Variants in MED20 observed in about 807,000 individuals in gnomAD.
MED20 encodes mediator of RNA polymerase II transcription subunit 20.
Under a neutral mutation model 19.7 loss-of-function variants are expected in MED20, and 19 were observed. The observed-to-expected ratio is 0.96, with a 90% CI of 0.67 to 1.42. The LOEUF (loss-of-function observed/expected upper bound fraction) is 1.42. Among genes scored for constraint, MED20 ranks in the 40% most tolerant of loss-of-function variants. The pLI is 0.00. For missense variants in MED20, 225 were observed against 273.0 expected (o/e 0.82, Z 1.24); for synonymous variants, 105 against 104.8 (o/e 1.00, Z -0.01).
At chr6:41,915,479 C>CAAG (rs1775290109) in intron 2 of MED20, among the ~76,000 whole-genome samples, 2 of 150,126 alleles carry the variant, frequency 1.3e-5, no homozygotes, top group Admixed American at 6.6e-5. Flanking sequence ...GTCAACAGAG[C>CAAG]AAGACTCTAT....
intron 2 of MED20, among the ~76,000 whole-genome samples, chr6:41,916,275 A>G (rs2127379785): frequency 6.6e-6 from 1 of 151,580 alleles, no homozygotes; most frequent in Non-Finnish European, 1.5e-5. Flanking sequence ...AATAAAATAA[A>G]ATAAAATAAA....
intron 1 of MED20, among the ~76,000 whole-genome samples, chr6:41,920,154 C>G (rs1468320147): frequency 6.6e-6 from 1 of 152,172 alleles, no homozygotes; most frequent in Non-Finnish European, 1.5e-5. Flanking sequence ...AGACTTAAAA[C>G]ATATGAAAGA....
intron 1 of MED20, among the ~76,000 whole-genome samples, chr6:41,919,293 A>C (rs1308588336): frequency 6.6e-6 from 1 of 152,174 alleles, no homozygotes; most frequent in African/African-American, 2.4e-5. Context: ...TGCCTGTATA[A>C]GGATGTAGTG....
Position 41,907,289 on chromosome 6 carries a change from T to C in MED20, c.424-2A>G. Reference sequence around the variant, plus strand: ...TACCACACAGGGGCCATACTCCACCTGGGAACCAAAAGCACAGAGAATGAG... The same window carrying C: ...TACCACACAGGGGCCATACTCCACCCGGGAACCAAAAGCACAGAGAATGAG... On this transcript the variant is annotated splice_acceptor_variant, in intron 3 of 3. Coordinates refer to ENST00000265350, the MANE Select transcript of MED20 (RefSeq NM_004275.5). LOFTEE classifies it high-confidence loss of function. 1.2e-6 allele frequency: 2 copies of C among 1,609,072 alleles called. No individual in the cohort carries two copies. Among genetic ancestry groups the C allele is most frequent in the Non-Finnish European group, 1.7e-6 (2 of 1,177,534 alleles).
chr6:41,918,533 G>A (rs1775373999), intron 1 of MED20, among the ~76,000 whole-genome samples: 2 of 151,524 alleles, frequency 1.3e-5, no homozygotes, highest in Non-Finnish European at 2.9e-5. Flanking sequence ...ACGAAACTTG[G>A]CCAGGCACGG....
At chr6:41,910,603 G>A (rs1370185378) in intron 2 of MED20, among the ~76,000 whole-genome samples, 1 of 149,006 alleles carries the variant, frequency 6.7e-6, no homozygotes, top group African/African-American at 2.5e-5. Flanking sequence ...CTGCACTCCA[G>A]TCTGGGCAAC....
At chr6:41,907,495 T>C (rs1775086527) in intron 3 of MED20, among the ~76,000 whole-genome samples, 1 of 152,172 alleles carries the variant, frequency 6.6e-6, no homozygotes, top group African/African-American at 2.4e-5. Flanking sequence ...CTTCTCATCC[T>C]GGAGCTGTGC....
At chr6:41,911,570 G>C (rs1027354049) in intron 2 of MED20, among the ~76,000 whole-genome samples, 5 of 152,108 alleles carry the variant, frequency 3.3e-5, no homozygotes, top group Admixed American at 2.6e-4. Context: ...AAATGAACAA[G>C]TCAGCAGGAA....
intron 2 of MED20, among the ~76,000 whole-genome samples, chr6:41,910,727 A>G (rs1402507403): frequency 6.6e-6 from 1 of 152,012 alleles, no homozygotes; most frequent in Non-Finnish European, 1.5e-5. Context: ...ACAATCCCAC[A>G]TGCTTATTAC....
chr6:41,909,173 CAA>C (rs11418802), intron 3 of MED20, 94 bp downstream of exon 3: 1,506 of 1,297,692 alleles, frequency 1.2e-3, no homozygotes, highest in South Asian at 2.1e-3. Flanking sequence ...GACTCTGTCT[CAA>C]AAAAAAAAAA....
chr6:41,908,357 C>A (rs902494661), intron 3 of MED20, among the ~76,000 whole-genome samples: 1 of 152,110 alleles, frequency 6.6e-6, no homozygotes, highest in African/African-American at 2.4e-5. Context: ...TTCCCTGGTC[C>A]CAAAGAAGCC....
intron 2 of MED20, among the ~76,000 whole-genome samples, chr6:41,910,290 A>G (rs1775158195): frequency 6.6e-6 from 1 of 152,198 alleles, no homozygotes; most frequent in South Asian, 2.1e-4. Context: ...TCCATAGGCT[A>G]TTTGCAATAA....
chr6:41,905,723 C>G lies in MED20; in HGVS notation c.*1349G>C, dbSNP rs937630860. 2.6e-5 allele frequency: 4 copies of G among 152,116 alleles called. No individual in the cohort carries two copies. Among genetic ancestry groups the G allele is most frequent in the African/African-American group, 9.7e-5 (4 of 41,396 alleles). 9.4% of individuals were successfully genotyped at this position (152,116 alleles called of 1,614,324 possible). On this transcript the variant is annotated 3_prime_UTR_variant, in exon 4 of 4. Coordinates refer to ENST00000265350, the MANE Select transcript of MED20 (RefSeq NM_004275.5). Reference sequence around the variant, plus strand: ...CTGCAGCAGGCATGGGGTAGGCAGGCAATATGACCAAATATGTAGTTTGGA... The same window carrying G: ...CTGCAGCAGGCATGGGGTAGGCAGGGAATATGACCAAATATGTAGTTTGGA...
chr6:41,906,879 G>A lies in MED20; in HGVS notation c.*193C>T. ...AGGCACGGAGTAAAACAGCTGATGG[G>A]GGGCTATGTGTGAGAGTCAGGGGGT... On this transcript the variant is annotated 3_prime_UTR_variant, in exon 4 of 4. Coordinates refer to ENST00000265350, the MANE Select transcript of MED20 (RefSeq NM_004275.5). The A allele has an allele frequency of 1.7e-6, 1 of 587,320 alleles. No individual in the cohort carries two copies. Among genetic ancestry groups the A allele is most frequent in the South Asian group, 2.1e-5 (1 of 47,002 alleles). The allele number at this position is 587,320 out of a possible 1,614,324, so 36.4% of individuals were successfully genotyped here.
In MED20 at chr6:41,909,379, C is replaced by G. The variant is rs745496977; in HGVS notation, c.313G>C (p.Ala105Pro). Reference protein sequence around the residue: ...MVKLKGFFQSAKASKIETRGT... With the variant: ...MVKLKGFFQSPKASKIETRGT... ...CGGGTCTCAATCTTGCTGGCCTTAG[C>G]ACTCTGGAAAAAGCCCTTGAGCTTC... The change falls in exon 3 of 4, where the codon GCT (alanine) becomes CCT (proline). Residue 105 changes from alanine to proline, a missense_variant. Coordinates refer to ENST00000265350, the MANE Select transcript of MED20 (RefSeq NM_004275.5). 6.2e-7 allele frequency: 1 copy of G among 1,614,212 alleles called. No homozygotes were observed. The highest frequency in any genetic ancestry group is 8.5e-7 in the Non-Finnish European group (1 of 1,180,042).
Position 41,912,511 on chromosome 6 carries a change from C to T in MED20, c.170-2989G>A, listed in dbSNP as rs536196300. Among the ~76,000 whole-genome samples the T allele has an allele frequency of 2.9e-3, 438 of 151,972 alleles. 1 individual carries two copies. Among genetic ancestry groups the T allele is most frequent in the Non-Finnish European group, 5.3e-3 (362 of 67,964 alleles). ...AGCTGGGATTACAGGTGCCTGCCAC[C>T]ATGCCTGGCTAATATTTGTATTTTT... On this transcript the variant is annotated intron_variant, in intron 2 of 3. Coordinates refer to ENST00000265350, the MANE Select transcript of MED20 (RefSeq NM_004275.5).
rs1405759404 is a variant in MED20 at position 41,921,007 on chromosome 6, A to C, written c.12T>G (p.Thr4=). MGV[T]CVSQMPVAEG... ...CACAAAACCCCCTGCAGTCCTACCA[A>C]GTCACTCCCATGGCGTCGGGCCAGG... Residue 4 remains threonine, a splice_region_variant and synonymous_variant, in exon 1 of 4, where the codon ACT becomes ACG. Transcript: ENST00000265350. 2.5e-6 allele frequency: 4 copies of C among 1,612,896 alleles called. No homozygotes were observed. Among genetic ancestry groups the C allele is most frequent in the Non-Finnish European group, 3.4e-6 (4 of 1,179,450 alleles).
At position 41,906,948 on chromosome 6, in the gene MED20, C is replaced by G. The variant is rs555403470; in HGVS notation, c.*124G>C. On this transcript the variant is annotated 3_prime_UTR_variant, in exon 4 of 4. Coordinates refer to ENST00000265350, the MANE Select transcript of MED20 (RefSeq NM_004275.5). The stretch of plus-strand genomic sequence containing the variant: ...CCAGAACAAAAGCCACAGCTGAGAA[C>G]CAGAGAAGGAGAGTAGAGTCCATGT... The G allele has an allele frequency of 2.7e-4, 225 of 818,740 alleles. No individual in the cohort carries two copies. The highest frequency in any genetic ancestry group is 4.0e-4 in the Non-Finnish European group (210 of 521,670). 50.7% of individuals were successfully genotyped at this position (818,740 alleles called of 1,614,324 possible). A position where few individuals can be genotyped will look rare whatever the true frequency, so the allele number is the denominator to read the frequency against.
rs140526856 is a variant in MED20 at position 41,916,806 on chromosome 6, C to A, written c.148G>T (p.Ala50Ser). 4.1e-4 allele frequency: 667 copies of A among 1,613,898 alleles called. No homozygotes were observed. Among genetic ancestry groups the A allele is most frequent in the Non-Finnish European group, 5.2e-4 (608 of 1,179,944 alleles). Residue 50 changes from alanine (A) to serine (S), a missense_variant, in exon 2 of 4, where the codon GCC becomes TCC. Coordinates refer to ENST00000265350, the MANE Select transcript of MED20 (RefSeq NM_004275.5). ...CVDCETYHTAASTLGSQGQTG... is the reference protein window; with the variant it reads ...CVDCETYHTASSTLGSQGQTG... ...TGACCTTGGCTGCCAAGGGTAGAGG[C>A]GGCCGTATGGTAAGTCTCACAGTCC...
Sources: gnomAD v4.1 joint callset for allele counts (sites outside exome capture counted in the v4.1 genomes callset) on GRCh38, gnomAD v4.1.1 for gene constraint, MANE v1.5 for transcripts, NCBI Gene and HGNC (gene_info 2026-07-23, HGNC 2026-07-21) for gene names.